The following TMEM167A variants were observed in gnomAD, a reference collection of about 807,000 sequenced individuals.
The protein encoded by TMEM167A is transmembrane protein 167A.
Under a neutral mutation model 11.6 loss-of-function variants are expected in TMEM167A, and 8 were observed. That is an observed-to-expected ratio of 0.69 (90% confidence interval 0.40 to 1.24). The LOEUF (loss-of-function observed/expected upper bound fraction) is 1.24, where lower values mean the gene tolerates loss of function less well. Ranked by LOEUF, TMEM167A falls within the 50% of genes most tolerant of loss-of-function variation. The pLI is 0.01. For synonymous variants in TMEM167A, 22 were observed against 28.0 expected (o/e 0.79, Z 0.67); for missense variants, 62 against 87.0 (o/e 0.71, Z 1.14).
In TMEM167A at chr5:83,055,775, TAAC is replaced by T. The variant is rs1379552388; in HGVS notation, c.*1306_*1308del. On this transcript the variant is annotated 3_prime_UTR_variant, in exon 4 of 4. Transcript: ENST00000502346. ...GTTCCATACGTTGTTTCTGCAGAAATAACTACTAGCCTATTAATCTAGAAATAA... is the reference window on the plus strand; with the variant it reads ...GTTCCATACGTTGTTTCTGCAGAAATTACTAGCCTATTAATCTAGAAATAA... 2 of 144,202 alleles carry T rather than the reference TAAC, an allele frequency of 1.4e-5. No homozygotes were observed. The highest frequency in any genetic ancestry group is 3.0e-5 in the Non-Finnish European group (2 of 65,902). The allele number at this position is 144,202 out of a possible 1,614,324, so 8.9% of individuals were successfully genotyped here.
chr5:83,055,198 C>A lies in TMEM167A; in HGVS notation c.*1886G>T, dbSNP rs1035070873. 6.6e-6 allele frequency: 1 copy of A among 152,016 alleles called. No individual in the cohort carries two copies. The highest frequency in any genetic ancestry group is 2.4e-5 in the African/African-American group (1 of 41,422). 9.4% of individuals were successfully genotyped at this position (152,016 alleles called of 1,614,324 possible). A position where few individuals can be genotyped will look rare whatever the true frequency, so the allele number is the denominator to read the frequency against. ...AAATTTTCCCCCAAAATTATCTCTTCCTTTACTTTCCACCTACCTCCTCTG... is the reference window on the plus strand; with the variant it reads ...AAATTTTCCCCCAAAATTATCTCTTACTTTACTTTCCACCTACCTCCTCTG... On this transcript the variant is annotated 3_prime_UTR_variant, in exon 4 of 4. Transcript: ENST00000502346.
At chr5:83,062,588 T>C (rs574469317) in intron 2 of TMEM167A, among the ~76,000 whole-genome samples, 21 of 152,192 alleles carry the variant, frequency 1.4e-4, no homozygotes, top group African/African-American at 5.1e-4. Context: ...GAATATATTA[T>C]GAATTACATA....
intron 1 of TMEM167A, among the ~76,000 whole-genome samples, chr5:83,069,621 C>T (rs1219652644): frequency 6.6e-6 from 1 of 152,050 alleles, no homozygotes; most frequent in African/African-American, 2.4e-5. Flanking sequence ...GATGTCTTTC[C>T]TGTTCCCACT....
intron 2 of TMEM167A, chr5:83,064,130 A>G (rs1324197578): frequency 2.5e-6 from 1 of 396,484 alleles, no homozygotes; most frequent in Non-Finnish European, 4.9e-6. Context: ...AAGGTTTTAA[A>G]AAAAGCTTTC....
rs541523897 is a variant in TMEM167A at position 83,056,967 on chromosome 5, T to C, written c.*117A>G. 2.0e-4 allele frequency: 176 copies of C among 901,020 alleles called. No homozygotes were observed. The highest frequency in any genetic ancestry group is 8.8e-4 in the Admixed American group (46 of 52,104). 55.8% of individuals were successfully genotyped at this position (901,020 alleles called of 1,614,324 possible). On this transcript the variant is annotated 3_prime_UTR_variant, in exon 4 of 4. Transcript: ENST00000502346. ...TAAAATAGAGAACAGCATCTGGAAA[T>C]TTATCTCATTCAATGTTCGGAGATA...
At chr5:83,068,194 A>G (rs915146894) in intron 1 of TMEM167A, among the ~76,000 whole-genome samples, 2 of 152,180 alleles carry the variant, frequency 1.3e-5, no homozygotes, top group East Asian at 1.9e-4. Context: ...ATTTCCTCCC[A>G]ACATAACTAA....
At chr5:83,077,200 G>A (rs567082132) in intron 1 of TMEM167A, 121 bp downstream of exon 1, 535 of 1,428,490 alleles carry the variant, frequency 3.7e-4, no homozygotes, top group Admixed American at 6.9e-4. Context: ...GGACCACATG[G>A]CTCCAAGGCC....
chr5:83,068,934 G>A (rs1236464701), intron 1 of TMEM167A, among the ~76,000 whole-genome samples: 2 of 152,220 alleles, frequency 1.3e-5, no homozygotes, highest in African/African-American at 4.8e-5. Context: ...TAGGGTTGAT[G>A]ATAAAATGCT....
At chr5:83,059,654 T>C (rs940466005) in intron 3 of TMEM167A, among the ~76,000 whole-genome samples, 3 of 152,130 alleles carry the variant, frequency 2.0e-5, no homozygotes, top group Non-Finnish European at 4.4e-5. Context: ...TGCTTAAGAT[T>C]TCTCCTATTA....
chr5:83,074,314 C>T (rs1028952856), intron 1 of TMEM167A, among the ~76,000 whole-genome samples: 2 of 152,200 alleles, frequency 1.3e-5, no homozygotes, highest in Non-Finnish European at 2.9e-5. Flanking sequence ...ATGACTCCTT[C>T]CCTAATACTC....
chr5:83,076,139 G>A (rs545003309), intron 1 of TMEM167A, among the ~76,000 whole-genome samples: 1 of 152,216 alleles, frequency 6.6e-6, no homozygotes, highest in Non-Finnish European at 1.5e-5. Context: ...AATCTACTAG[G>A]TGTGATCCGA....
At position 83,055,824 on chromosome 5, in the gene TMEM167A, G is replaced by A. The variant is rs1744323401; in HGVS notation, c.*1260C>T. On this transcript the variant is annotated 3_prime_UTR_variant, in exon 4 of 4. Coordinates refer to ENST00000502346, the MANE Select transcript of TMEM167A (RefSeq NM_174909.5). ...AATAATTTTTTTTGTTTAAAAAAAG[G>A]GAGAGTTTCTTCATTTTATCTTTAT... 6.6e-6 allele frequency: 1 copy of A among 151,762 alleles called. No homozygotes were observed. Among genetic ancestry groups the A allele is most frequent in the Non-Finnish European group, 1.5e-5 (1 of 67,866 alleles). 9.4% of individuals were successfully genotyped at this position (151,762 alleles called of 1,614,324 possible).
chr5:83,071,795 G>A (rs1421777554), intron 1 of TMEM167A, among the ~76,000 whole-genome samples: 1 of 151,360 alleles, frequency 6.6e-6, no homozygotes, highest in African/African-American at 2.5e-5. Context: ...TTAATATTTA[G>A]ATATGAACCC....
chr5:83,063,714 C>T (rs566850057), intron 2 of TMEM167A, among the ~76,000 whole-genome samples: 1 of 152,070 alleles, frequency 6.6e-6, no homozygotes, highest in Non-Finnish European at 1.5e-5. Flanking sequence ...CACACACACA[C>T]ACACACGAAC....
At chr5:83,061,353 T>C (rs61458253) in intron 3 of TMEM167A, among the ~76,000 whole-genome samples, 17,047 of 152,226 alleles carry the variant, frequency 0.11, 1,524 homozygotes, top group African/African-American at 0.25. Flanking sequence ...GTATTTGATA[T>C]CTAAATTAGA....
chr5:83,072,980 T>A (rs1348783709), intron 1 of TMEM167A, among the ~76,000 whole-genome samples: 1 of 152,194 alleles, frequency 6.6e-6, no homozygotes, highest in African/African-American at 2.4e-5. Flanking sequence ...GCAAAAGCAA[T>A]ATTAGCAACA....
At chr5:83,062,638 C>T (rs1347944536) in intron 2 of TMEM167A, among the ~76,000 whole-genome samples, 1 of 151,808 alleles carries the variant, frequency 6.6e-6, no homozygotes, top group South Asian at 2.1e-4. Flanking sequence ...TATAACAAAT[C>T]ATCTTTAAAA....
chr5:83,057,185 T>A (rs546845855), intron 3 of TMEM167A, 31 bp from the exon 4 acceptor site: 3 of 1,599,908 alleles, frequency 1.9e-6, no homozygotes, highest in South Asian at 2.2e-5. Context: ...TTCATCTTGA[T>A]TAACTGAGTG....
intron 1 of TMEM167A, among the ~76,000 whole-genome samples, chr5:83,069,275 T>A (rs945006586): frequency 3.3e-5 from 5 of 152,130 alleles, no homozygotes; most frequent in African/African-American, 1.2e-4. Context: ...ATGCTTAGCA[T>A]CTGTTGTCTG....
Sources: gnomAD v4.1 joint callset for allele counts (sites outside exome capture counted in the v4.1 genomes callset) on GRCh38, gnomAD v4.1.1 for gene constraint, MANE v1.5 for transcripts, NCBI Gene and HGNC (gene_info 2026-07-23, HGNC 2026-07-21) for gene names.